The following EPHA5 variants were observed in gnomAD, a reference collection of about 807,000 sequenced individuals.
EPHA5 encodes ephrin type-A receptor 5.
EPHA5 carries 60 observed loss-of-function variants against 105.0 expected under a neutral mutation model. That is an observed-to-expected ratio of 0.57 (90% CI 0.46 to 0.71). The LOEUF is 0.71. EPHA5 is among the 30% of genes least tolerant of loss of function. EPHA5 has a pLI of 0.00. For missense variants in EPHA5, 1,218 were observed against 1,274.7 expected (o/e 0.96, Z 0.68); for synonymous variants, 513 against 449.1 (o/e 1.14, Z -1.80).
intron 3 of EPHA5, among the ~76,000 whole-genome samples, chr4:65,526,657 G>A (rs115780608): frequency 0.015 from 2,255 of 151,834 alleles, 26 homozygotes; most frequent in Non-Finnish European, 0.024. Context: ...AAATCATTTA[G>A]AGCAATAAAT....
At chr4:65,547,157 C>T (rs140879124) in intron 3 of EPHA5, among the ~76,000 whole-genome samples, 285 of 152,018 alleles carry the variant, frequency 1.9e-3, no homozygotes, top group African/African-American at 6.7e-3. Context: ...GTGTGAAATG[C>T]GTCACAAACA....
At chr4:65,392,834 C>G (rs2148959847) in intron 8 of EPHA5, among the ~76,000 whole-genome samples, 1 of 152,198 alleles carries the variant, frequency 6.6e-6, no homozygotes, top group South Asian at 2.1e-4. Flanking sequence ...ATGCACAGCT[C>G]ATCTTTAATT....
intron 14 of EPHA5, among the ~76,000 whole-genome samples, chr4:65,343,820 A>T (rs933183186): frequency 9.9e-5 from 15 of 151,126 alleles, no homozygotes; most frequent in African/African-American, 3.7e-4. Flanking sequence ...CCTCATTTAA[A>T]TTCTTAGAAA....
intron 1 of EPHA5, among the ~76,000 whole-genome samples, chr4:65,653,618 G>T (rs1578698558): frequency 6.6e-6 from 1 of 151,918 alleles, no homozygotes; most frequent in Non-Finnish European, 1.5e-5. Flanking sequence ...TAAAATTGTT[G>T]TAGTATTAAT....
At chr4:65,657,309 C>T (rs1749164017) in intron 1 of EPHA5, among the ~76,000 whole-genome samples, 1 of 151,784 alleles carries the variant, frequency 6.6e-6, no homozygotes, top group Non-Finnish European at 1.5e-5. Context: ...TTAAGACATG[C>T]TTAAGGCAAA....
chr4:65,508,424 T>G (rs1733282639), intron 3 of EPHA5, among the ~76,000 whole-genome samples: 1 of 152,112 alleles, frequency 6.6e-6, no homozygotes, highest in Non-Finnish European at 1.5e-5. Flanking sequence ...CCTTGATTGC[T>G]AAGATAGAAG....
chr4:65,536,339 T>C (rs545216814), intron 3 of EPHA5, among the ~76,000 whole-genome samples: 81 of 152,078 alleles, frequency 5.3e-4, no homozygotes, highest in African/African-American at 1.9e-3. Context: ...CGTTCCTTTA[T>C]TTAAACATTT....
At chr4:65,462,361 A>C (rs1371117613) in intron 5 of EPHA5, among the ~76,000 whole-genome samples, 1 of 152,126 alleles carries the variant, frequency 6.6e-6, no homozygotes, top group African/African-American at 2.4e-5. Context: ...CATGATATTG[A>C]CTATTTATTT....
At chr4:65,440,918 T>C (rs1725952958) in intron 5 of EPHA5, among the ~76,000 whole-genome samples, 1 of 152,142 alleles carries the variant, frequency 6.6e-6, no homozygotes, top group Admixed American at 6.6e-5. Context: ...CCAAGCTTAC[T>C]AGAAGTAAGT....
intron 3 of EPHA5, among the ~76,000 whole-genome samples, chr4:65,548,886 G>T (rs1737632492): frequency 1.3e-5 from 2 of 152,114 alleles, no homozygotes; most frequent in Non-Finnish European, 2.9e-5. Flanking sequence ...TCACTATGTG[G>T]AAATTGGGAC....
intron 2 of EPHA5, among the ~76,000 whole-genome samples, chr4:65,607,042 G>T (rs944730593): frequency 6.6e-6 from 1 of 152,074 alleles, no homozygotes; most frequent in African/African-American, 2.4e-5. Context: ...TAAAATATAG[G>T]TTTTAAATTT....
chr4:65,442,057 T>C (rs1046019463), intron 5 of EPHA5, among the ~76,000 whole-genome samples: 5 of 152,164 alleles, frequency 3.3e-5, no homozygotes, highest in African/African-American at 1.2e-4. Context: ...CTATGTATAA[T>C]TTTCTAAATA....
At chr4:65,580,466 G>A (rs987461114) in intron 3 of EPHA5, among the ~76,000 whole-genome samples, 2 of 151,824 alleles carry the variant, frequency 1.3e-5, no homozygotes, top group East Asian at 3.9e-4. Context: ...ATGATCTTCA[G>A]TGACTGAAGA....
intron 11 of EPHA5, among the ~76,000 whole-genome samples, chr4:65,358,124 G>C (rs1420233708): frequency 1.3e-5 from 2 of 151,442 alleles, no homozygotes; most frequent in Non-Finnish European, 1.5e-5. Context: ...CTGCAATTTA[G>C]CAATATCCCC....
intron 2 of EPHA5, among the ~76,000 whole-genome samples, chr4:65,603,368 T>C (rs1447753779): frequency 6.6e-6 from 1 of 152,030 alleles, no homozygotes. Flanking sequence ...ACAAAAGTGA[T>C]ATATAATTTT....
chr4:65,447,420 T>C (rs576870014), intron 5 of EPHA5, among the ~76,000 whole-genome samples: 1 of 151,604 alleles, frequency 6.6e-6, no homozygotes, highest in African/African-American at 2.4e-5. Flanking sequence ...GAAAAGAGGA[T>C]TTGGGGCCAG....
At chr4:65,517,952 AAAT>A (rs1375151148) in intron 3 of EPHA5, among the ~76,000 whole-genome samples, 1 of 151,944 alleles carries the variant, frequency 6.6e-6, no homozygotes, top group African/African-American at 2.4e-5. Context: ...TAACACCTCA[AAAT>A]AATAAGATTT....
At chr4:65,424,946 T>A (rs1275099733) in intron 5 of EPHA5, among the ~76,000 whole-genome samples, 1 of 152,094 alleles carries the variant, frequency 6.6e-6, no homozygotes, top group Non-Finnish European at 1.5e-5. Context: ...CTGTGTCAAA[T>A]GGAATAAGAA....
chr4:65,663,370 G>A (rs774767029), intron 1 of EPHA5, among the ~76,000 whole-genome samples: 32 of 152,018 alleles, frequency 2.1e-4, no homozygotes, highest in Admixed American at 1.3e-3. Context: ...AGAACTCCAA[G>A]TGGGACACCT....
Sources: gnomAD v4.1 joint callset for allele counts (sites outside exome capture counted in the v4.1 genomes callset) on GRCh38, gnomAD v4.1.1 for gene constraint, MANE v1.5 for transcripts, NCBI Gene and HGNC (gene_info 2026-07-23, HGNC 2026-07-21) for gene names.